Variants in KLHL10 observed in about 807,000 individuals in gnomAD.
The protein encoded by KLHL10 is kelch-like protein 10.
Under a neutral mutation model 46.6 loss-of-function variants are expected in KLHL10, and 11 were observed. The observed-to-expected ratio is 0.24, with a 90% CI of 0.15 to 0.39. KLHL10 has a LOEUF of 0.39. KLHL10 is among the 10% of genes least tolerant of loss of function. The pLI is 1.00. For missense variants in KLHL10, 475 were observed against 789.8 expected, an observed-to-expected ratio of 0.60 and a Z score of 4.78; for synonymous variants, 254 against 279.1, an observed-to-expected ratio of 0.91 and a Z score of 0.90.
Position 41,847,367 on chromosome 17 carries a change from G to A in KLHL10, c.1409G>A (p.Arg470Lys). The change falls in exon 4 of 5, where the codon AGG becomes AAG. Residue 470 changes from arginine to lysine, a missense_variant. Physicochemically the swap from Arg to Lys is conservative, Grantham distance 26. Transcript: ENST00000293303. ...WTVIAPMRSR[R>K]SGIGVIAYGE... ...GTCATAGCACCCATGAGAAGCAGGA[G>A]GAGTGGAATAGGCGTGATTGCTTAT... is the stretch of plus-strand genomic sequence containing the variant. The A allele has an allele frequency of 2.5e-6, 4 of 1,614,098 alleles. No homozygotes were observed. Among genetic ancestry groups the A allele is most frequent in the Non-Finnish European group, 3.4e-6 (4 of 1,180,020 alleles).
chr17:41,839,890 T>TC, intron 1 of KLHL10, among the ~76,000 whole-genome samples: 1 of 151,206 alleles, frequency 6.6e-6, no homozygotes, highest in African/African-American at 2.4e-5. Flanking sequence ...TTTTTCTTTT[T>TC]TTTTTTGAAA....
At chr17:41,844,959 A>T (rs1486762050) in intron 2 of KLHL10, among the ~76,000 whole-genome samples, 167 bp from the exon 3 acceptor site, 1 of 152,186 alleles carries the variant, frequency 6.6e-6, no homozygotes, top group Admixed American at 6.5e-5. Flanking sequence ...TGCTGGGATT[A>T]TGGTGTGAGC....
rs2048275928 is a variant in KLHL10 at position 41,845,581 on chromosome 17, T to C, written c.1140T>C (p.Ser380=). 1 of 1,614,210 alleles carries C rather than the reference T, an allele frequency of 6.2e-7. No individual in the cohort carries two copies. Among genetic ancestry groups the C allele is most frequent in the Non-Finnish European group, 8.5e-7 (1 of 1,180,042 alleles). The change falls in exon 3 of 5, where the codon AGT becomes AGC. Residue 380 remains serine, a synonymous_variant. Coordinates refer to ENST00000293303, the MANE Select transcript of KLHL10 (RefSeq NM_152467.5). ...TGCACTCCAGACGTTGCTATGTCAG[T>C]GTGACAGTCCTCGGCAATTTTATTT... ...APMHSRRCYV[S]VTVLGNFIYA...
chr17:41,844,826 G>A (rs1567869478), intron 2 of KLHL10, among the ~76,000 whole-genome samples: 1 of 152,132 alleles, frequency 6.6e-6, no homozygotes, highest in Non-Finnish European at 1.5e-5. Context: ...TGGGATTACG[G>A]CCGTGAGCCA....
upstream of KLHL10, chr17:41,836,274 A>C (rs1435227582): frequency 4.0e-5 from 36 of 901,356 alleles, no homozygotes; most frequent in East Asian, 2.1e-3. Context: ...TCCCGCCTGG[A>C]GCCCGGGCGG....
At position 41,845,630 on chromosome 17, in the gene KLHL10, T is replaced by C. The variant is rs782557705; in HGVS notation, c.1189T>C (p.Tyr397His). Residue 397 changes from tyrosine (Y) to histidine (H), a missense_variant, in exon 3 of 5, where the codon TAC (tyrosine) becomes CAC (histidine). By Grantham distance (83) the Tyr-to-His change is moderately conservative (BLOSUM62 2). Transcript: ENST00000293303. The part of the protein sequence containing the change: ...FIYAMGGFDG[Y>H]VRLNTAERYE... ...TTATGCCATGGGAGGATTTGATGGC[T>C]ACGTGCGTCTAAACACTGCTGAACG... 6.2e-7 allele frequency: 1 copy of C among 1,613,764 alleles called. No homozygotes were observed. The highest frequency in any genetic ancestry group is 1.1e-5 in the South Asian group (1 of 91,056).
chr17:41,838,525 G>T (rs1555620435), intron 1 of KLHL10, among the ~76,000 whole-genome samples: 1 of 151,862 alleles, frequency 6.6e-6, no homozygotes, highest in African/African-American at 2.4e-5. Context: ...GTCTCCCAAA[G>T]TGCTGGGATT....
At chr17:41,835,870 C>T (rs782172679), upstream of KLHL10, 46 of 1,608,506 alleles carry the variant, frequency 2.9e-5, no homozygotes, top group Non-Finnish European at 3.7e-5. Flanking sequence ...TGTAACCGGT[C>T]TCCGCCGCCC....
chr17:41,845,171 A>G lies in KLHL10; in HGVS notation c.730A>G (p.Lys244Glu). The G allele has an allele frequency of 3.7e-6, 6 of 1,614,226 alleles. No homozygotes were observed. The highest frequency in any genetic ancestry group is 3.4e-6 in the Non-Finnish European group (4 of 1,180,038). The change falls in exon 3 of 5, where the codon AAG becomes GAG. Residue 244 changes from lysine to glutamate, a missense_variant. Transcript: ENST00000293303. ...MHAEYFMNNV[K>E]MNDYVKDSEE... ...TGCTGAGTACTTCATGAACAATGTT[A>G]AGATGAATGACTATGTCAAAGACAG... is the stretch of plus-strand genomic sequence containing the variant.
At chr17:41,839,785 T>A (rs1418469911) in intron 1 of KLHL10, among the ~76,000 whole-genome samples, 3 of 152,206 alleles carry the variant, frequency 2.0e-5, no homozygotes, top group Non-Finnish European at 4.4e-5. Context: ...CAATCTCAGC[T>A]CACTGCAACC....
intron 2 of KLHL10, 28 bp from the exon 3 acceptor site, chr17:41,845,098 T>C: frequency 6.2e-7 from 1 of 1,614,144 alleles, no homozygotes; most frequent in South Asian, 1.1e-5. Context: ...TCACGTCACC[T>C]GAATGACTTT....
intron 3 of KLHL10, among the ~76,000 whole-genome samples, chr17:41,846,944 G>A (rs868910854): frequency 6.8e-4 from 104 of 152,174 alleles, no homozygotes; most frequent in African/African-American, 2.2e-3. Context: ...GTGAAACCTC[G>A]TCTCTACTAA....
Position 41,848,161 on chromosome 17 carries a change from A to T in KLHL10, c.1681A>T (p.Ser561Cys). 1 of 1,614,108 alleles carries T rather than the reference A, an allele frequency of 6.2e-7. No individual in the cohort carries two copies. Among genetic ancestry groups the T allele is most frequent in the Non-Finnish European group, 8.5e-7 (1 of 1,180,028 alleles). ...TGAGTGGTATGATGCTCATGACATG[A>T]GTATATACCGCAGTGCTCTGAGCTG... ...TDEWYDAHDMSIYRSALSCCV... is the reference protein window; with the variant it reads ...TDEWYDAHDMCIYRSALSCCV... Residue 561 changes from serine (S) to cysteine (C), a missense_variant, in exon 5 of 5, where the codon AGT (serine) becomes TGT (cysteine). By Grantham distance (112) the Ser-to-Cys change is moderately radical. Transcript: ENST00000293303.
At chr17:41,839,313 G>C (rs1567867250) in intron 1 of KLHL10, among the ~76,000 whole-genome samples, 1 of 152,122 alleles carries the variant, frequency 6.6e-6, no homozygotes, top group Non-Finnish European at 1.5e-5. Context: ...TTTTCAACTG[G>C]ATTTCAACCA....
intron 4 of KLHL10, 27 bp from the exon 5 acceptor site, chr17:41,847,906 C>A: frequency 6.2e-7 from 1 of 1,613,198 alleles, no homozygotes; most frequent in South Asian, 1.1e-5. Context: ...GGTTAGCAGT[C>A]AACCGTGTTT....
upstream of KLHL10, chr17:41,836,155 C>T: frequency 7.7e-7 from 1 of 1,305,344 alleles, no homozygotes; most frequent in Non-Finnish European, 9.7e-7. Flanking sequence ...GGGCCCGCCC[C>T]ACTCCGGACG....
At chr17:41,838,633 C>CTCTT (rs1555620438) in intron 1 of KLHL10, among the ~76,000 whole-genome samples, 12 of 138,676 alleles carry the variant, frequency 8.7e-5, no homozygotes, top group Admixed American at 1.5e-4. Flanking sequence ...TTTTTTCTCT[C>CTCTT]TTTTTTTTTT....
chr17:41,847,228 G>C lies in KLHL10; in HGVS notation c.1303-33G>C, dbSNP rs781816658. 9 of 1,608,128 alleles carry C rather than the reference G, an allele frequency of 5.6e-6. No individual in the cohort carries two copies. In the South Asian group the frequency reaches 7.7e-5, roughly 14 times the overall value. On this transcript the variant is annotated intron_variant, in intron 3 of 4. Transcript: ENST00000293303. ...TCCTTTCTTTCTACTCCCTAGAGTGGGAATTTTAATAATCTTGGAACTCTT... is the reference window on the plus strand; with the variant it reads ...TCCTTTCTTTCTACTCCCTAGAGTGCGAATTTTAATAATCTTGGAACTCTT...
At chr17:41,835,756 A>G, upstream of KLHL10, 1 of 1,176,872 alleles carries the variant, frequency 8.5e-7, no homozygotes, top group Non-Finnish European at 1.2e-6. Context: ...TGGGGCAGAG[A>G]GCTAGGAGGG....
Sources: allele counts gnomAD v4.1 joint callset (sites outside exome capture counted in the v4.1 genomes callset), GRCh38; gene constraint gnomAD v4.1.1; transcripts MANE v1.5; gene names NCBI Gene and HGNC (gene_info 2026-07-23, HGNC 2026-07-21).